The following ZNF644 variants were observed in gnomAD, a reference collection of about 807,000 sequenced individuals.
The protein encoded by ZNF644 is zinc finger protein 644.
ZNF644 carries 20 observed loss-of-function variants against 108.0 expected under a neutral mutation model. The ratio of observed to expected loss-of-function variants is 0.19; its 90% CI spans 0.13 to 0.27. The LOEUF is 0.27. Among genes scored for constraint, ZNF644 ranks in the 10% least tolerant of loss-of-function variants. The probability of loss-of-function intolerance (pLI) is 1.00; values close to 1 mark genes in which losing one functional copy is unlikely to be tolerated. For missense variants in ZNF644, 1,338 were observed against 1,548.9 expected, an observed-to-expected ratio of 0.86 and a Z score of 2.29; for synonymous variants, 542 against 539.1, an observed-to-expected ratio of 1.01 and a Z score of -0.08.
Position 90,975,104 on chromosome 1 carries a change from C to T in ZNF644, c.44+7206G>A, listed in dbSNP as rs79278065. 1.6e-4 allele frequency among the ~76,000 whole-genome samples: 24 copies of T among 152,272 alleles called. No individual in the cohort carries two copies. In the East Asian group the frequency reaches 4.6e-3, roughly 29 times the overall value. On this transcript the variant is annotated intron_variant, in intron 2 of 5. Coordinates refer to ENST00000337393, the MANE Select transcript of ZNF644 (RefSeq NM_201269.3). The stretch of plus-strand genomic sequence containing the variant: ...AAGTGTCACTTCTGGGAGGCCTTGC[C>T]ATATTTCCATCCAGTCATTAAATAG...
At chr1:90,952,768 G>C (rs1041103299) in intron 2 of ZNF644, among the ~76,000 whole-genome samples, 1 of 152,010 alleles carries the variant, frequency 6.6e-6, no homozygotes, top group Non-Finnish European at 1.5e-5. Flanking sequence ...ATCCCGGAAG[G>C]AAAGAAGAGA....
intron 2 of ZNF644, among the ~76,000 whole-genome samples, chr1:90,959,999 C>A (rs1380330729): frequency 2.0e-5 from 3 of 152,116 alleles, no homozygotes; most frequent in Non-Finnish European, 4.4e-5. Context: ...ATCCCTTTGT[C>A]CAGTGTATAT....
chr1:90,933,613 G>A (rs920823243), intron 4 of ZNF644, among the ~76,000 whole-genome samples: 1 of 152,020 alleles, frequency 6.6e-6, no homozygotes, highest in Non-Finnish European at 1.5e-5. Context: ...GCAGTGAGCC[G>A]AGATCGCGCC....
intron 1 of ZNF644, among the ~76,000 whole-genome samples, chr1:90,989,070 T>G (rs1375920945): frequency 6.6e-6 from 1 of 152,074 alleles, no homozygotes; most frequent in East Asian, 1.9e-4. Context: ...AAGTAATCAA[T>G]GGAGTGAAAA....
chr1:91,011,022 C>T (rs944322630), intron 1 of ZNF644, among the ~76,000 whole-genome samples: 3 of 152,076 alleles, frequency 2.0e-5, no homozygotes, highest in Non-Finnish European at 4.4e-5. Context: ...TAAGAACATT[C>T]TAATTGTTTT....
At position 91,016,573 on chromosome 1, in the gene ZNF644, G is replaced by A. The variant is rs112238346; in HGVS notation, c.-18+5417C>T. 7.0e-3 allele frequency among the ~76,000 whole-genome samples: 1,058 copies of A among 152,208 alleles called. 16 individuals are homozygous for A. The highest frequency in any genetic ancestry group is 0.024 in the African/African-American group (991 of 41,514). On this transcript the variant is annotated intron_variant, in intron 1 of 5. Coordinates refer to ENST00000337393, the MANE Select transcript of ZNF644 (RefSeq NM_201269.3). ...ATTACAATCTTATGGGACCACCATCGTAAATGCAGTCCACTATTGACCAAA... is the reference window on the plus strand; with the variant it reads ...ATTACAATCTTATGGGACCACCATCATAAATGCAGTCCACTATTGACCAAA...
chr1:90,940,361 C>A lies in ZNF644; in HGVS notation c.993G>T (p.Glu331Asp). 1 of 1,613,660 alleles carries A rather than the reference C, an allele frequency of 6.2e-7. No individual in the cohort carries two copies. Residue 331 changes from glutamate (E) to aspartate (D), a missense_variant, in exon 3 of 6, where the codon GAG (glutamate) becomes GAT (aspartate). Glu to Asp is a conservative substitution (Grantham distance 45, BLOSUM62 2). Coordinates refer to ENST00000337393, the MANE Select transcript of ZNF644 (RefSeq NM_201269.3). ...ATTTCTGTGAGTCTACTGCTTGTAG[C>A]TCTTCATTTTGTTCTAGAAAGTCTA... ...QEVDFLEQNE[E>D]LQAVDSQKYA... is the part of the protein sequence containing the mutation.
chr1:91,005,078 TGG>T (rs1432058126), intron 1 of ZNF644, among the ~76,000 whole-genome samples: 4 of 152,050 alleles, frequency 2.6e-5, no homozygotes, highest in Admixed American at 1.3e-4. Context: ...CAACTATAAC[TGG>T]CTACAAGAGA....
At chr1:90,925,058 A>C (rs1649871922) in intron 4 of ZNF644, among the ~76,000 whole-genome samples, 1 of 152,202 alleles carries the variant, frequency 6.6e-6, no homozygotes, top group African/African-American at 2.4e-5. Context: ...TTCTATCTTA[A>C]TCCAGATTAC....
Position 91,006,264 on chromosome 1 carries a change from C to G in ZNF644, c.-18+15726G>C, listed in dbSNP as rs534002526. On this transcript the variant is annotated intron_variant, in intron 1 of 5. Coordinates refer to ENST00000337393, the MANE Select transcript of ZNF644 (RefSeq NM_201269.3). ...AAAGAAAAGCCCAGGACCTAGCCAA[C>G]CACGGCGGACAGCACCTGTAGTCCT... Among the ~76,000 whole-genome samples the G allele has an allele frequency of 8.5e-5, 13 of 152,232 alleles. No individual in the cohort carries two copies. The South Asian group carries it at 1.2e-3, about 15-fold the overall frequency.
chr1:90,999,105 T>A (rs978197734), intron 1 of ZNF644, among the ~76,000 whole-genome samples: 1 of 152,138 alleles, frequency 6.6e-6, no homozygotes, highest in African/African-American at 2.4e-5. Flanking sequence ...TGAAACCAAG[T>A]AGGAAAACAC....
At chr1:90,988,044 G>A (rs1657281550) in intron 1 of ZNF644, among the ~76,000 whole-genome samples, 1 of 152,058 alleles carries the variant, frequency 6.6e-6, no homozygotes, top group South Asian at 2.1e-4. Context: ...ACACAGTAGT[G>A]GAAGTCCTAG....
intron 4 of ZNF644, among the ~76,000 whole-genome samples, chr1:90,927,804 C>A (rs1393282404): frequency 6.6e-6 from 1 of 151,838 alleles, no homozygotes; most frequent in East Asian, 1.9e-4. Context: ...TCTCTCTCTG[C>A]CCTCCCTCTC....
chr1:90,983,207 A>T (rs2101503680), intron 1 of ZNF644, among the ~76,000 whole-genome samples: 1 of 152,108 alleles, frequency 6.6e-6, no homozygotes, highest in South Asian at 2.1e-4. Context: ...TTATTTCCAA[A>T]CTATCATCTC....
chr1:90,988,833 C>T (rs895540139), intron 1 of ZNF644, among the ~76,000 whole-genome samples: 2 of 152,040 alleles, frequency 1.3e-5, no homozygotes, highest in South Asian at 2.1e-4. Context: ...CCAATATCCA[C>T]GTGAAAAAGA....
At position 90,938,747 on chromosome 1, in the gene ZNF644, G is replaced by A. The variant is rs1471940884; in HGVS notation, c.2607C>T (p.Tyr869=). Residue 869 remains tyrosine (Y), a synonymous_variant, in exon 3 of 6, where the codon TAC becomes TAT. Transcript: ENST00000337393. This position sits in a 1 kb window ranked among gnomAD's most constrained non-coding sequence, Gnocchi z 4.2. ...TTTCATCTTCTATGGCCTGTGTAGTGTAGTCTCCTAACTCAACATTATCCC... is the reference window on the plus strand; with the variant it reads ...TTTCATCTTCTATGGCCTGTGTAGTATAGTCTCCTAACTCAACATTATCCC... The part of the protein sequence containing the change: ...SSWDNVELGD[Y]TTQAIEDETY... 1.2e-6 allele frequency: 2 copies of A among 1,613,860 alleles called. No individual in the cohort carries two copies. The highest frequency in any genetic ancestry group is 1.3e-5 in the African/African-American group (1 of 75,006).
chr1:91,005,240 T>G (rs1659304190), intron 1 of ZNF644, among the ~76,000 whole-genome samples: 1 of 152,168 alleles, frequency 6.6e-6, no homozygotes, highest in Non-Finnish European at 1.5e-5. Flanking sequence ...CTACAGAGAA[T>G]GTTTTGTAAC....
intron 1 of ZNF644, among the ~76,000 whole-genome samples, chr1:91,010,123 C>T (rs190409392): frequency 6.6e-6 from 1 of 152,120 alleles, no homozygotes; most frequent in East Asian, 1.9e-4. Flanking sequence ...CTAATCCAAA[C>T]TTCTTTAGAT....
chr1:90,923,321 C>T (rs1033536789), intron 4 of ZNF644, among the ~76,000 whole-genome samples: 1 of 151,922 alleles, frequency 6.6e-6, no homozygotes, highest in Non-Finnish European at 1.5e-5. Flanking sequence ...CATTCAGTTC[C>T]ACCCCTCAAT....
Sources: gnomAD v4.1 joint callset for allele counts (sites outside exome capture counted in the v4.1 genomes callset) on GRCh38, gnomAD v4.1.1 for gene constraint, Gnocchi (gnomAD v3.1) non-coding constraint, MANE v1.5 for transcripts, NCBI Gene and HGNC (gene_info 2026-07-23, HGNC 2026-07-21) for gene names.